The following CDH12 variants were observed in gnomAD, a reference collection of about 807,000 sequenced individuals.
CDH12 encodes cadherin-12.
A neutral mutation model predicts 74.1 loss-of-function variants in CDH12; 41 were observed. That is an observed-to-expected ratio of 0.55 (90% CI 0.43 to 0.72). CDH12 has a LOEUF of 0.72. Ranked by LOEUF, CDH12 falls within the 30% of genes least tolerant of loss-of-function variation. The pLI is 0.00. For missense variants in CDH12, 945 were observed against 977.2 expected (o/e 0.97, Z 0.44); for synonymous variants, 399 against 355.0 (o/e 1.12, Z -1.39).
At chr5:22,806,470 A>G (rs1748813067) in intron 1 of CDH12, among the ~76,000 whole-genome samples, 1 of 149,426 alleles carries the variant, frequency 6.7e-6, no homozygotes, top group Non-Finnish European at 1.5e-5. Flanking sequence ...CTCCTGCCTC[A>G]GCCTCCCGAG....
intron 1 of CDH12, among the ~76,000 whole-genome samples, chr5:22,579,638 A>T (rs1739976943): frequency 6.6e-6 from 1 of 151,782 alleles, no homozygotes; most frequent in Non-Finnish European, 1.5e-5. Context: ...TTTTTATTTC[A>T]TTGTTTTCAA....
At chr5:22,841,762 A>G (rs1046576659) in intron 1 of CDH12, among the ~76,000 whole-genome samples, 10 of 152,180 alleles carry the variant, frequency 6.6e-5, no homozygotes, top group African/African-American at 2.4e-4. Flanking sequence ...GGGAAGAATT[A>G]ACTGAGTCAA....
At chr5:22,571,465 T>G (rs1739536448) in intron 1 of CDH12, among the ~76,000 whole-genome samples, 1 of 152,174 alleles carries the variant, frequency 6.6e-6, no homozygotes, top group Non-Finnish European at 1.5e-5. Context: ...TAGCTGGGAT[T>G]ACAGGCATGC....
chr5:22,808,257 A>G (rs372511627), intron 1 of CDH12, among the ~76,000 whole-genome samples: 16 of 152,302 alleles, frequency 1.1e-4, no homozygotes, highest in African/African-American at 3.4e-4. Context: ...TAATACTCTA[A>G]TGATCACAAT....
chr5:22,483,723 T>A (rs1449931039), intron 2 of CDH12, among the ~76,000 whole-genome samples: 1 of 120,806 alleles, frequency 8.3e-6, no homozygotes, highest in African/African-American at 3.0e-5. Flanking sequence ...TTGGGCAACA[T>A]AGCAAGGACC....
At chr5:22,637,885 T>G (rs564134730) in intron 1 of CDH12, among the ~76,000 whole-genome samples, 2 of 152,338 alleles carry the variant, frequency 1.3e-5, no homozygotes, top group African/African-American at 4.8e-5. Flanking sequence ...AGCTTCAAAT[T>G]GTTACTGCTA....
intron 1 of CDH12, among the ~76,000 whole-genome samples, chr5:22,702,577 G>A (rs1205429693): frequency 6.6e-6 from 1 of 151,780 alleles, no homozygotes; most frequent in Non-Finnish European, 1.5e-5. Flanking sequence ...TATGTAGCTG[G>A]TAAGGATGTG....
chr5:21,784,518 A>G (rs997753688), intron 10 of CDH12, among the ~76,000 whole-genome samples: 9 of 152,312 alleles, frequency 5.9e-5, no homozygotes, highest in Non-Finnish European at 1.2e-4. Context: ...AATGTTTCCC[A>G]TATAATTATT....
intron 13 of CDH12, 71 bp downstream of exon 13, chr5:21,760,487 T>C (rs1744654862): frequency 3.9e-6 from 3 of 764,306 alleles, no homozygotes; most frequent in Non-Finnish European, 7.0e-6. Flanking sequence ...AAGAAAAGTA[T>C]TGATTCCTCC....
chr5:22,588,943 T>C (rs1740545241), intron 1 of CDH12, among the ~76,000 whole-genome samples: 1 of 152,214 alleles, frequency 6.6e-6, no homozygotes, highest in Admixed American at 6.5e-5. Context: ...ACCACGCCAT[T>C]ATACTATCTT....
chr5:22,394,433 T>C (rs1742372007), intron 3 of CDH12, among the ~76,000 whole-genome samples: 1 of 152,052 alleles, frequency 6.6e-6, no homozygotes, highest in African/African-American at 2.4e-5. Context: ...ATAGAGCTAC[T>C]CAGCTGTAAA....
At position 21,952,298 on chromosome 5, in the gene CDH12, A is replaced by G. The variant is rs185960871; in HGVS notation, c.526+22793T>C. ...CTTGGAGGCCTGAGTGTTCTTAGGT[A>G]AAAGACTGCTTTGGAGGCTGCAAAT... is the stretch of plus-strand genomic sequence containing the variant. On this transcript the variant is annotated intron_variant, in intron 6 of 14. Coordinates refer to ENST00000382254, the MANE Select transcript of CDH12 (RefSeq NM_004061.5). 6.8e-3 allele frequency among the ~76,000 whole-genome samples: 1,040 copies of G among 152,238 alleles called. 5 individuals carry two copies. Among genetic ancestry groups the G allele is most frequent in the Non-Finnish European group, 9.9e-3 (671 of 68,022 alleles).
At chr5:21,859,878 C>T (rs1750943151) in intron 6 of CDH12, among the ~76,000 whole-genome samples, 1 of 151,866 alleles carries the variant, frequency 6.6e-6, no homozygotes, top group African/African-American at 2.4e-5. Flanking sequence ...GTGTGGAATA[C>T]AGGAAATCTC....
At chr5:22,761,685 T>C (rs538070783) in intron 1 of CDH12, among the ~76,000 whole-genome samples, 1 of 152,318 alleles carries the variant, frequency 6.6e-6, no homozygotes, top group South Asian at 2.1e-4. Context: ...TGCTTGCTCA[T>C]CTGGAAAAGC....
intron 3 of CDH12, among the ~76,000 whole-genome samples, chr5:22,240,285 C>G (rs1752700389): frequency 6.6e-6 from 1 of 152,110 alleles, no homozygotes; most frequent in Non-Finnish European, 1.5e-5. Context: ...TCGACCAATA[C>G]TGCTTTCATA....
At chr5:22,402,044 T>C (rs1742751583) in intron 3 of CDH12, among the ~76,000 whole-genome samples, 1 of 152,176 alleles carries the variant, frequency 6.6e-6, no homozygotes, top group Non-Finnish European at 1.5e-5. Context: ...TACATTTTTG[T>C]TGTTTTAAAT....
rs11323330 is a variant in CDH12, at chr5:22,046,430, C to CTTTTTTTTTTTT, written c.231+32004_231+32015dup. 5.3e-4 allele frequency among the ~76,000 whole-genome samples: 53 copies of CTTTTTTTTTTTT among 100,368 alleles called. 5 individuals carry two copies. The highest frequency in any genetic ancestry group is 2.1e-3 in the African/African-American group (49 of 23,406). The allele number at this position is 100,368 out of a possible 152,430, so 65.8% of individuals were successfully genotyped here. A position where few individuals can be genotyped will look rare whatever the true frequency, so the allele number is the denominator to read the frequency against. The stretch of plus-strand genomic sequence containing the variant: ...GAGAAAGTCACTGGTCATTTAATTT[C>CTTTTTTTTTTTT]TTTTTTTTTTTTTTTTTTTTTTGAG... On this transcript the variant is annotated intron_variant, in intron 5 of 14. Coordinates refer to ENST00000382254, the MANE Select transcript of CDH12 (RefSeq NM_004061.5).
intron 1 of CDH12, among the ~76,000 whole-genome samples, chr5:22,760,786 G>T (rs112422039): frequency 7.3e-4 from 110 of 149,712 alleles, no homozygotes; most frequent in African/African-American, 2.5e-3. Context: ...TTTTCAAAAT[G>T]ATATCTTAAA....
intron 6 of CDH12, among the ~76,000 whole-genome samples, chr5:21,916,385 G>T (rs1754094523): frequency 6.6e-6 from 1 of 152,104 alleles, no homozygotes; most frequent in African/African-American, 2.4e-5. Flanking sequence ...CTACTCCAGG[G>T]TCTTCAAATA....
Sources: allele counts gnomAD v4.1 joint callset (sites outside exome capture counted in the v4.1 genomes callset), GRCh38; gene constraint gnomAD v4.1.1; transcripts MANE v1.5; gene names NCBI Gene and HGNC (gene_info 2026-07-23, HGNC 2026-07-21).